The following PRSS23 variants were observed in gnomAD, a reference collection of about 807,000 sequenced individuals.
The protein encoded by PRSS23 is protease, serine 23.
In PRSS23, 25 loss-of-function variants were observed where a neutral mutation model predicts 34.7. That is an observed-to-expected ratio of 0.72 (90% CI 0.53 to 1.01). The LOEUF is 1.01. PRSS23 is among the 50% of genes least tolerant of loss of function. The pLI is 0.00. For synonymous variants in PRSS23, 176 were observed against 186.6 expected, an observed-to-expected ratio of 0.94 and a Z score of 0.46; for missense variants, 445 against 475.6, an observed-to-expected ratio of 0.94 and a Z score of 0.60.
intron 2 of PRSS23, chr11:86,832,959 T>C (rs1196961540): frequency 2.6e-6 from 1 of 379,708 alleles, no homozygotes; most frequent in Admixed American, 3.7e-5. Flanking sequence ...ATGCAGGTCA[T>C]TTGTAAGGCA....
rs568189360 is a variant in PRSS23 at position 86,820,478 on chromosome 11, T to C, written c.-11-2899T>C. ...GTGGGAACATCATTTATGTGCCTTA[T>C]CATTATCATCATCCTGTATGTACCA... On this transcript the variant is annotated intron_variant, in intron 1 of 2. Transcript: ENST00000533902. Among the ~76,000 whole-genome samples the C allele has an allele frequency of 3.3e-5, 5 of 152,288 alleles. No homozygotes were observed. In the East Asian group the frequency reaches 9.6e-4, roughly 29 times the overall value.
chr11:86,797,871 T>TTA (rs1947991410), upstream of PRSS23, among the ~76,000 whole-genome samples: 2 of 152,160 alleles, frequency 1.3e-5, no homozygotes, highest in African/African-American at 4.8e-5. Flanking sequence ...GAAACTGAGG[T>TTA]ACAGAAAAGT....
intron 2 of PRSS23, among the ~76,000 whole-genome samples, chr11:86,872,660 G>T (rs2134949197): frequency 6.6e-6 from 1 of 152,184 alleles, no homozygotes; most frequent in East Asian, 1.9e-4. Context: ...ATAAAATTTG[G>T]AGTTATGCAT....
chr11:86,847,240 A>G (rs531424821), intron 2 of PRSS23, among the ~76,000 whole-genome samples: 2 of 152,218 alleles, frequency 1.3e-5, no homozygotes, highest in African/African-American at 4.8e-5. Flanking sequence ...TAATTCAGAG[A>G]TTTCTCCTTG....
chr11:86,848,599 G>T (rs1024370591), intron 2 of PRSS23, among the ~76,000 whole-genome samples: 1 of 152,132 alleles, frequency 6.6e-6, no homozygotes, highest in Admixed American at 6.5e-5. Context: ...GCACACCCCC[G>T]TAACTCCGGA....
At chr11:86,815,719 T>C (rs1436046941), downstream of PRSS23, among the ~76,000 whole-genome samples, 1 of 152,176 alleles carries the variant, frequency 6.6e-6, no homozygotes, top group Non-Finnish European at 1.5e-5. Flanking sequence ...GCACAGGAAA[T>C]ATTTGTGAGA....
At chr11:86,909,569 C>CT (rs1322452330) in intron 2 of PRSS23, 4 of 152,208 alleles carry the variant, frequency 2.6e-5, no homozygotes, top group Non-Finnish European at 5.9e-5. Flanking sequence ...AGAGGAGAGG[C>CT]TGGCATAGAG....
At chr11:86,887,407 A>C in intron 2 of PRSS23, among the ~76,000 whole-genome samples, 1 of 108,796 alleles carries the variant, frequency 9.2e-6, no homozygotes, top group African/African-American at 3.5e-5. Flanking sequence ...AAAAAACAAA[A>C]CAAAACAAAA....
intron 2 of PRSS23, among the ~76,000 whole-genome samples, chr11:86,922,258 G>A (rs1949051546): frequency 6.6e-6 from 1 of 152,184 alleles, no homozygotes; most frequent in Admixed American, 6.5e-5. Context: ...CCTTGTTTCT[G>A]AGATTGAGTC....
chr11:86,851,079 A>G (rs1469093172), intron 2 of PRSS23, among the ~76,000 whole-genome samples: 1 of 152,170 alleles, frequency 6.6e-6, no homozygotes, highest in African/African-American at 2.4e-5. Flanking sequence ...CCCTTGCCAT[A>G]CAGATAAGTA....
intron 2 of PRSS23, among the ~76,000 whole-genome samples, chr11:86,893,485 C>A (rs1948854805): frequency 6.6e-6 from 1 of 152,244 alleles, no homozygotes; most frequent in African/African-American, 2.4e-5. Flanking sequence ...AAACATTGTT[C>A]TGCTATGTCT....
chr11:86,831,452 A>C (rs1948355010), intron 2 of PRSS23, among the ~76,000 whole-genome samples: 1 of 151,066 alleles, frequency 6.6e-6, no homozygotes, highest in Admixed American at 6.6e-5. Flanking sequence ...CCCCCTGTGA[A>C]ATTTTTTGTA....
chr11:86,806,289 C>T (rs1275920062), intron 1 of PRSS23, among the ~76,000 whole-genome samples: 1 of 152,196 alleles, frequency 6.6e-6, no homozygotes, highest in Non-Finnish European at 1.5e-5. Context: ...TCTTGTTTCC[C>T]TTCCCTAAGT....
rs1948987394 is a variant in PRSS23 at position 86,912,985 on chromosome 11, C to A, written c.207-38231C>A. On this transcript the variant is annotated intron_variant, in intron 2 of 2. Transcript: ENST00000533902. Reference sequence around the variant, plus strand: ...TCTCTATCTCTCACTAAAACAGACACCAAGTGAAATCTCTGTTTAGTTGTT... The same window carrying A: ...TCTCTATCTCTCACTAAAACAGACAACAAGTGAAATCTCTGTTTAGTTGTT... 2.0e-5 allele frequency among the ~76,000 whole-genome samples: 3 copies of A among 152,182 alleles called. No individual in the cohort carries two copies. In the South Asian group the frequency reaches 6.2e-4, roughly 31 times the overall value.
chr11:86,916,449 A>G (rs1949013295), intron 2 of PRSS23, among the ~76,000 whole-genome samples: 1 of 152,204 alleles, frequency 6.6e-6, no homozygotes, highest in South Asian at 2.1e-4. Flanking sequence ...AGCAGAAACC[A>G]AATCTGTGGA....
chr11:86,805,676 G>C (rs1459668044), intron 1 of PRSS23, among the ~76,000 whole-genome samples: 2 of 152,072 alleles, frequency 1.3e-5, no homozygotes, highest in Non-Finnish European at 2.9e-5. Context: ...AAAAAGTCAA[G>C]CAAAAAGGTC....
At chr11:86,943,887 G>A (rs1475032266) in intron 2 of PRSS23, among the ~76,000 whole-genome samples, 1 of 151,752 alleles carries the variant, frequency 6.6e-6, no homozygotes, top group Admixed American at 6.6e-5. Context: ...GGGACTACAG[G>A]CGCGTGTCAC....
At chr11:86,905,341 G>T (rs1043146911) in intron 2 of PRSS23, among the ~76,000 whole-genome samples, 4 of 152,160 alleles carry the variant, frequency 2.6e-5, no homozygotes, top group African/African-American at 9.7e-5. Context: ...GCATGATAAA[G>T]CATGTGAAAG....
chr11:86,907,560 AGC>A (rs1444602687), intron 2 of PRSS23, among the ~76,000 whole-genome samples: 5 of 152,016 alleles, frequency 3.3e-5, no homozygotes, highest in Non-Finnish European at 7.4e-5. Flanking sequence ...CTTGGGCTCT[AGC>A]AGTCCCCCCA....
Sources: allele counts gnomAD v4.1 joint callset (sites outside exome capture counted in the v4.1 genomes callset), GRCh38; gene constraint gnomAD v4.1.1; transcripts MANE v1.5; gene names NCBI Gene and HGNC (gene_info 2026-07-23, HGNC 2026-07-21).